The following MTUS2 variants were observed in gnomAD, a reference collection of about 807,000 sequenced individuals.
The protein encoded by MTUS2 is microtubule-associated tumor suppressor candidate 2.
Under a neutral mutation model 114.1 loss-of-function variants are expected in MTUS2, and 40 were observed. The ratio of observed to expected loss-of-function variants is 0.35; its 90% confidence interval spans 0.27 to 0.46. MTUS2 has a LOEUF of 0.46. MTUS2 is among the 20% of genes least tolerant of loss of function. The pLI, the probability that MTUS2 is intolerant of heterozygous loss-of-function variation, is 1.00. For synonymous variants in MTUS2, 688 were observed against 672.0 expected (o/e 1.02, Z -0.37); for missense variants, 1,679 against 1,705.4 (o/e 0.98, Z 0.27).
chr13:29,355,672 TG>T (rs1186008079), intron 7 of MTUS2, among the ~76,000 whole-genome samples: 2 of 152,208 alleles, frequency 1.3e-5, no homozygotes, highest in African/African-American at 4.8e-5. Context: ...AGGTGTCAAA[TG>T]TTTTTGTCGC....
intron 5 of MTUS2, among the ~76,000 whole-genome samples, chr13:29,137,098 T>G (rs952940319): frequency 6.6e-6 from 1 of 152,150 alleles, no homozygotes; most frequent in Non-Finnish European, 1.5e-5. Context: ...AGGAAAAACA[T>G]TTTGTTTTTT....
intron 7 of MTUS2, among the ~76,000 whole-genome samples, chr13:29,351,653 G>A (rs1869291824): frequency 6.6e-6 from 1 of 151,922 alleles, no homozygotes; most frequent in Admixed American, 6.6e-5. Context: ...ACCCAGGCTG[G>A]AGTGCAGTGC....
At chr13:28,876,754 G>C (rs1438052829) in intron 2 of MTUS2, among the ~76,000 whole-genome samples, 2 of 152,164 alleles carry the variant, frequency 1.3e-5, no homozygotes, top group Non-Finnish European at 2.9e-5. Flanking sequence ...TCCCTGAACA[G>C]AATCAGGGTT....
At chr13:29,294,428 T>A (rs971706995) in intron 6 of MTUS2, among the ~76,000 whole-genome samples, 1 of 152,242 alleles carries the variant, frequency 6.6e-6, no homozygotes, top group Non-Finnish European at 1.5e-5. Context: ...TTTCAGTATT[T>A]CACTATCATG....
chr13:28,916,375 G>C (rs1031049551), intron 2 of MTUS2, among the ~76,000 whole-genome samples: 4 of 151,836 alleles, frequency 2.6e-5, no homozygotes, highest in Admixed American at 6.6e-5. Flanking sequence ...TGAATCTGTA[G>C]ATTGCTTTGG....
chr13:29,380,302 G>A (rs1011659637), intron 8 of MTUS2, among the ~76,000 whole-genome samples: 67 of 152,226 alleles, frequency 4.4e-4, no homozygotes, highest in African/African-American at 1.5e-3. Context: ...CCAGACAGCC[G>A]TGAATCTCAG....
At chr13:29,082,808 G>T (rs1230588974) in intron 4 of MTUS2, among the ~76,000 whole-genome samples, 2 of 152,086 alleles carry the variant, frequency 1.3e-5, no homozygotes, top group African/African-American at 4.8e-5. Flanking sequence ...AGGGCCAAGG[G>T]GGTTCAGTTT....
chr13:29,356,878 G>T (rs956393098), intron 7 of MTUS2, among the ~76,000 whole-genome samples: 1 of 152,182 alleles, frequency 6.6e-6, no homozygotes, highest in Admixed American at 6.5e-5. Context: ...CCTGAACCAG[G>T]ATTGGTTTCA....
chr13:29,128,012 G>A (rs796783296), intron 5 of MTUS2, among the ~76,000 whole-genome samples: 1 of 152,228 alleles, frequency 6.6e-6, no homozygotes, highest in Admixed American at 6.5e-5. Flanking sequence ...ATGTTGATGT[G>A]ATGCGTAATG....
intron 6 of MTUS2, among the ~76,000 whole-genome samples, chr13:29,290,529 A>G (rs1164183652): frequency 1.3e-5 from 2 of 152,046 alleles, no homozygotes; most frequent in Non-Finnish European, 2.9e-5. Context: ...ACAGGGTTTC[A>G]CCGCATTAGC....
At chr13:29,096,095 C>T (rs1445215887) in intron 4 of MTUS2, among the ~76,000 whole-genome samples, 16 of 152,028 alleles carry the variant, frequency 1.1e-4, no homozygotes, top group Admixed American at 1.0e-3. Flanking sequence ...TCCTTGACTA[C>T]TAATTATCTC....
At chr13:29,046,715 T>G (rs576904183) in intron 4 of MTUS2, among the ~76,000 whole-genome samples, 119 of 140,608 alleles carry the variant, frequency 8.5e-4, no homozygotes, top group African/African-American at 3.0e-3. Flanking sequence ...TGATTCATAG[T>G]ACCCCTCCCC....
Position 29,317,717 on chromosome 13 carries a change from C to T in MTUS2, c.2807-6896C>T, listed in dbSNP as rs1342241827. ...CCTCCCAAAGTGCTGGGATTACAGG[C>T]GTGAGCCACCGCGCCCGGCCTCTCT... On this transcript the variant is annotated intron_variant, in intron 6 of 15. Transcript: ENST00000612955. Among the ~76,000 whole-genome samples, 4 of 148,618 alleles carry T rather than the reference C, an allele frequency of 2.7e-5. 2 individuals carry two copies. Among genetic ancestry groups the T allele is most frequent in the Non-Finnish European group, 6.0e-5 (4 of 66,532 alleles).
rs145693303 is a variant in MTUS2 at position 29,359,044 on chromosome 13, C to T, written c.2906-218C>T. On this transcript the variant is annotated intron_variant, in intron 7 of 15. Coordinates refer to ENST00000612955, the MANE Select transcript of MTUS2 (RefSeq NM_001033602.4). ...GGAATTTGGCAATTTTGTCTGTTATCCTTTTTCCAAGCACGAAACCTTGCA... is the reference window on the plus strand; with the variant it reads ...GGAATTTGGCAATTTTGTCTGTTATTCTTTTTCCAAGCACGAAACCTTGCA... Among the ~76,000 whole-genome samples, 607 of 151,670 alleles carry T rather than the reference C, an allele frequency of 4.0e-3. 9 individuals carry two copies. Among genetic ancestry groups the T allele is most frequent in the Non-Finnish European group, 2.7e-3 (185 of 67,944 alleles).
intron 4 of MTUS2, among the ~76,000 whole-genome samples, chr13:29,065,830 A>G (rs1888638968): frequency 1.3e-5 from 2 of 152,206 alleles, no homozygotes; most frequent in South Asian, 4.1e-4. Context: ...ATAGCAGAAC[A>G]TAAAGCACTT....
chr13:29,414,372 G>A (rs1256539442), intron 8 of MTUS2, among the ~76,000 whole-genome samples: 2 of 116,850 alleles, frequency 1.7e-5, no homozygotes, highest in Admixed American at 1.8e-4. Flanking sequence ...ACGTTAGTGG[G>A]TGCAGCGCAC....
intron 5 of MTUS2, among the ~76,000 whole-genome samples, chr13:29,156,874 G>C (rs1892884227): frequency 1.3e-5 from 2 of 152,114 alleles, no homozygotes; most frequent in Admixed American, 1.3e-4. Context: ...AGAGCCATGT[G>C]CAAGTGGTAT....
At position 29,026,804 on chromosome 13, in the gene MTUS2, C is replaced by G. The variant is rs368570924; in HGVS notation, c.2106C>G (p.Asp702Glu). 2.9e-5 allele frequency: 47 copies of G among 1,612,770 alleles called. No individual in the cohort carries two copies. The highest frequency in any genetic ancestry group is 3.6e-5 in the Non-Finnish European group (43 of 1,179,896). ...ACCTCTATGAGAAATTCAAGCCAGA[C>G]CTGCAGAAGCCAAGGGTCTTCAGTT... Reference protein sequence around the residue: ...SANLYEKFKPDLQKPRVFSSG... With the variant: ...SANLYEKFKPELQKPRVFSSG... Residue 702 changes from aspartate (D) to glutamate (E), a missense_variant, in exon 3 of 16, where the codon GAC becomes GAG. This residue lies in a region of MTUS2 where 822 missense variants were observed against 899.7 expected (regional missense o/e 0.91). Transcript: ENST00000612955.
chr13:29,237,149 A>G (rs1036265504), intron 5 of MTUS2, among the ~76,000 whole-genome samples: 9 of 152,216 alleles, frequency 5.9e-5, no homozygotes, highest in Non-Finnish European at 1.0e-4. Flanking sequence ...ATATAGAAAT[A>G]TGATCACTGG....
Sources: gnomAD v4.1 joint callset for allele counts (sites outside exome capture counted in the v4.1 genomes callset) on GRCh38, gnomAD v4.1.1 for gene constraint, gnomAD v4.1.1 regional missense constraint, MANE v1.5 for transcripts, NCBI Gene and HGNC (gene_info 2026-07-23, HGNC 2026-07-21) for gene names.